USP47: variants seen among roughly 807,000 people sequenced by gnomAD.
USP47 encodes the protein ubiquitin carboxyl-terminal hydrolase 47.
Under a neutral mutation model 165.1 loss-of-function variants are expected in USP47, and 35 were observed. The ratio of observed to expected loss-of-function variants is 0.21; its 90% confidence interval spans 0.16 to 0.28. The LOEUF is 0.28. Ranked by LOEUF, USP47 falls within the 10% of genes least tolerant of loss-of-function variation. The pLI, the probability that USP47 is intolerant of heterozygous loss-of-function variation, is 1.00. For synonymous variants in USP47, 531 were observed against 544.5 expected (o/e 0.98, Z 0.35); for missense variants, 1,277 against 1,607.4 (o/e 0.79, Z 3.52).
At position 11,956,065 on chromosome 11, in the gene USP47, A is replaced by G. The variant is rs368665066; in HGVS notation, c.3958A>G (p.Ser1320Gly). 2 of 1,604,194 alleles carry G rather than the reference A, an allele frequency of 1.2e-6. No homozygotes were observed. Among genetic ancestry groups the G allele is most frequent in the African/African-American group, 2.7e-5 (2 of 74,052 alleles). Reference protein sequence around the residue: ...EQRNELMKKESSRLQKTGHRV... With the variant: ...EQRNELMKKEGSRLQKTGHRV... ...AAGAAATGAACTGATGAAAAAAGAA[A>G]GCAGTCGACTCCAGAAGACTGGACA... Residue 1320 changes from serine to glycine, a missense_variant, in exon 28 of 28, where the codon AGC (serine) becomes GGC (glycine). This residue lies in a region of USP47 where 909 missense variants were observed against 1,068.1 expected (regional missense o/e 0.85). Transcript: ENST00000527733.
intron 4 of USP47, among the ~76,000 whole-genome samples, chr11:11,893,577 C>T (rs1244749416): frequency 1.3e-5 from 2 of 152,162 alleles, no homozygotes; most frequent in Non-Finnish European, 2.9e-5. Context: ...GCTAGGACTA[C>T]AGGTGTGCAC....
At chr11:11,902,064 A>G (rs1262474526) in intron 5 of USP47, among the ~76,000 whole-genome samples, 7 of 151,630 alleles carry the variant, frequency 4.6e-5, no homozygotes, top group Non-Finnish European at 8.8e-5. Flanking sequence ...TTTTTTGTCT[A>G]TACCCTCCAA....
At chr11:11,915,677 G>GA (rs907066316) in intron 8 of USP47, among the ~76,000 whole-genome samples, 5 of 150,196 alleles carry the variant, frequency 3.3e-5, no homozygotes, top group East Asian at 1.9e-4. Flanking sequence ...AAGTTTCAAT[G>GA]AAAAAAAAAG....
intron 1 of USP47, among the ~76,000 whole-genome samples, chr11:11,872,700 T>C (rs532590422): frequency 9.3e-5 from 14 of 150,768 alleles, no homozygotes; most frequent in African/African-American, 3.2e-4. Context: ...TGTTGAAAGA[T>C]AGTTGCAGTT....
Position 11,902,790 on chromosome 11 carries a change from A to G in USP47, c.669A>G (p.Leu223=), listed in dbSNP as rs192093275. The G allele has an allele frequency of 4.9e-4, 794 of 1,604,044 alleles. 6 individuals are homozygous for G. In the East Asian group the frequency reaches 0.012, roughly 25 times the overall value. ...AACTTCAAAGGCTTTTTGTTTTGTT[A>G]CAAACCAGCAAAAAGAGAGCAATTG... ...PYQLQRLFVL[L]QTSKKRAIET... The change falls in exon 6 of 28, where the codon TTA becomes TTG. Residue 223 remains leucine, a synonymous_variant. Coordinates refer to ENST00000527733, the MANE Select transcript of USP47 (RefSeq NM_001282659.2).
Position 11,884,250 on chromosome 11 carries a change from G to A in USP47, c.244-217G>A, listed in dbSNP as rs369874227. Among the ~76,000 whole-genome samples, 22 of 152,072 alleles carry A rather than the reference G, an allele frequency of 1.4e-4. No homozygotes were observed. The South Asian group carries it at 2.1e-3, about 14-fold the overall frequency. On this transcript the variant is annotated intron_variant, in intron 2 of 27. Coordinates refer to ENST00000527733, the MANE Select transcript of USP47 (RefSeq NM_001282659.2). ...TCTCTTTTTAGTTTGTTAGATGTTGGGGAATGTGAGTCTCTGGGATACCTA... is the reference window on the plus strand; with the variant it reads ...TCTCTTTTTAGTTTGTTAGATGTTGAGGAATGTGAGTCTCTGGGATACCTA...
Position 11,842,228 on chromosome 11 carries a change from A to G in USP47, c.39+4A>G. 1 of 1,552,622 alleles carries G rather than the reference A, an allele frequency of 6.4e-7. No homozygotes were observed. The highest frequency in any genetic ancestry group is 8.7e-7 in the Non-Finnish European group (1 of 1,147,288). ...GAACCAACTGGTCCCGAAAGAGGTG[A>G]GGGGCCCCAGAGGAGGTTAGGCCTT... is the stretch of plus-strand genomic sequence containing the variant. On this transcript the variant is annotated splice_donor_region_variant and intron_variant, in intron 1 of 27. Transcript: ENST00000527733.
chr11:11,919,657 G>A (rs921668581), intron 8 of USP47, among the ~76,000 whole-genome samples: 1 of 151,918 alleles, frequency 6.6e-6, no homozygotes, highest in Non-Finnish European at 1.5e-5. Context: ...AACTAGTGCA[G>A]TGGCAGATTA....
intron 8 of USP47, among the ~76,000 whole-genome samples, chr11:11,914,958 C>T (rs770237940): frequency 7.9e-5 from 12 of 152,112 alleles, no homozygotes; most frequent in African/African-American, 2.9e-4. Context: ...TTACCATAAA[C>T]TCTAGCAATT....
chr11:11,907,260 G>A (rs1316469247), intron 8 of USP47, among the ~76,000 whole-genome samples: 7 of 152,148 alleles, frequency 4.6e-5, no homozygotes, highest in Non-Finnish European at 1.0e-4. Flanking sequence ...ATGATACATG[G>A]GTGGTAGTAG....
At chr11:11,948,733 T>C (rs914722370) in intron 22 of USP47, 175 bp downstream of exon 22, 1 of 562,002 alleles carries the variant, frequency 1.8e-6, no homozygotes, top group African/African-American at 1.9e-5. Flanking sequence ...CTTCTGCTAT[T>C]ATAGCACAAG....
At chr11:11,888,791 C>T (rs1295462366) in intron 3 of USP47, among the ~76,000 whole-genome samples, 2 of 152,070 alleles carry the variant, frequency 1.3e-5, no homozygotes, top group Admixed American at 1.3e-4. Flanking sequence ...AACATCGGTG[C>T]AAAAATCCTT....
intron 3 of USP47, among the ~76,000 whole-genome samples, chr11:11,889,709 A>G (rs1851389736): frequency 6.6e-6 from 1 of 152,196 alleles, no homozygotes; most frequent in African/African-American, 2.4e-5. Flanking sequence ...AATCTATTTT[A>G]AAATTCATAT....
chr11:11,950,275 T>C lies in USP47; in HGVS notation c.3465-89T>C. 4.4e-6 allele frequency: 4 copies of C among 903,916 alleles called. No individual in the cohort carries two copies. The Middle Eastern group carries it at 7.3e-4, about 165-fold the overall frequency. The allele number at this position is 903,916 out of a possible 1,614,324, so 56.0% of individuals were successfully genotyped here. A position where few individuals can be genotyped will look rare whatever the true frequency, so the allele number is the denominator to read the frequency against. The stretch of plus-strand genomic sequence containing the variant: ...ATTTGACTTTTGTATTTGAACATAG[T>C]TCATTTTTCTTTGGTGTCAGATTAG... On this transcript the variant is annotated intron_variant, in intron 23 of 27. Coordinates refer to ENST00000527733, the MANE Select transcript of USP47 (RefSeq NM_001282659.2).
chr11:11,908,336 G>T (rs974955980), intron 8 of USP47, among the ~76,000 whole-genome samples: 2 of 151,340 alleles, frequency 1.3e-5, no homozygotes, highest in Admixed American at 6.6e-5. Flanking sequence ...ATGGGGTCTC[G>T]CTGTGTTGAC....
In USP47 at chr11:11,938,336, TCAGA is replaced by T; in HGVS notation, c.2161_2164del (p.Thr721LeufsTer7). On this transcript the variant is annotated frameshift_variant, in exon 18 of 28. Coordinates refer to ENST00000527733, the MANE Select transcript of USP47 (RefSeq NM_001282659.2). LOFTEE classifies it high-confidence loss of function. ...CTATAACTGTTCGTGCTTACTTAAA[TCAGA>T]CAGTTACAGAATTCAAACAACTGAT... is the stretch of plus-strand genomic sequence containing the variant. The T allele has an allele frequency of 6.2e-7, 1 of 1,612,048 alleles. No homozygotes were observed. Among genetic ancestry groups the T allele is most frequent in the Non-Finnish European group, 8.5e-7 (1 of 1,178,766 alleles).
At chr11:11,867,740 CT>C (rs1849774955) in intron 1 of USP47, among the ~76,000 whole-genome samples, 1 of 152,176 alleles carries the variant, frequency 6.6e-6, no homozygotes, top group Admixed American at 6.5e-5. Flanking sequence ...TTTTCTTATA[CT>C]TATGAAAATA....
intron 1 of USP47, among the ~76,000 whole-genome samples, chr11:11,862,853 A>AG (rs1340814596): frequency 6.6e-6 from 1 of 152,104 alleles, no homozygotes; most frequent in Non-Finnish European, 1.5e-5. Flanking sequence ...CACCACACCC[A>AG]GCCTACAAGT....
At position 11,873,666 on chromosome 11, in the gene USP47, A is replaced by G. The variant is rs143660512; in HGVS notation, c.40-6511A>G. The stretch of plus-strand genomic sequence containing the variant: ...TGCACATTCATGAATAAAATTCTAG[A>G]TGATGTACTAATACTTTAATTAATA... On this transcript the variant is annotated intron_variant, in intron 1 of 27. Transcript: ENST00000527733. 1.4e-4 allele frequency: 55 copies of G among 401,068 alleles called. No homozygotes were observed. The East Asian group carries it at 1.9e-3, about 14-fold the overall frequency. 24.8% of individuals were successfully genotyped at this position (401,068 alleles called of 1,614,324 possible). A position where few individuals can be genotyped will look rare whatever the true frequency, so the allele number is the denominator to read the frequency against.
Sources: allele counts gnomAD v4.1 joint callset (sites outside exome capture counted in the v4.1 genomes callset), GRCh38; gene constraint gnomAD v4.1.1; regional missense constraint gnomAD v4.1.1; transcripts MANE v1.5; gene names NCBI Gene and HGNC (gene_info 2026-07-23, HGNC 2026-07-21).